Variants in SLC7A8 observed in about 807,000 individuals in gnomAD.
SLC7A8 encodes the protein large neutral amino acids transporter small subunit 2.
SLC7A8 carries 30 observed loss-of-function variants against 51.2 expected under a neutral mutation model. The observed-to-expected ratio is 0.59, with a 90% CI of 0.44 to 0.80. The LOEUF (loss-of-function observed/expected upper bound fraction) is 0.80, where lower values mean the gene tolerates loss of function less well. Ranked by LOEUF, SLC7A8 falls within the 30% of genes least tolerant of loss-of-function variation. The probability of loss-of-function intolerance (pLI) is 0.00; values close to 1 mark genes in which losing one functional copy is unlikely to be tolerated. For missense variants in SLC7A8, 612 were observed against 674.4 expected, an observed-to-expected ratio of 0.91 and a Z score of 1.03; for synonymous variants, 257 against 275.8, an observed-to-expected ratio of 0.93 and a Z score of 0.67.
intron 3 of SLC7A8, chr14:23,155,169 G>A (rs2048882737): frequency 1.3e-6 from 2 of 1,535,848 alleles, no homozygotes; most frequent in Non-Finnish European, 1.7e-6. Context: ...CACTTACAAC[G>A]TTTTAGAAAT....
intron 3 of SLC7A8, chr14:23,154,498 G>A (rs1422572967): frequency 1.3e-5 from 13 of 981,874 alleles, no homozygotes; most frequent in East Asian, 1.1e-4. Flanking sequence ...CGCCTCCCCC[G>A]CTTGTGGAAG....
intron 8 of SLC7A8, 102 bp from the exon 9 acceptor site, chr14:23,129,901 G>A (rs1443498922): frequency 5.4e-6 from 7 of 1,299,794 alleles, no homozygotes; most frequent in South Asian, 2.8e-5. Context: ...TGATGCCATC[G>A]TATAATGGAT....
intron 5 of SLC7A8, 57 bp from the exon 6 acceptor site, chr14:23,139,604 A>G: frequency 6.3e-7 from 1 of 1,576,672 alleles, no homozygotes; most frequent in Non-Finnish European, 8.6e-7. Context: ...CCGCCTTGCC[A>G]TGGAGTCCAG....
In SLC7A8 at chr14:23,159,585, C is replaced by T. The variant is rs192384343; in HGVS notation, c.508+5700G>A. Reference sequence around the variant, plus strand: ...AGTTTGGGGGTAGAGAATGTGAAGGCTCAAGGGAAAATAAACTGAGGTTAA... The same window carrying T: ...AGTTTGGGGGTAGAGAATGTGAAGGTTCAAGGGAAAATAAACTGAGGTTAA... On this transcript the variant is annotated intron_variant, in intron 3 of 10. Transcript: ENST00000316902. Among the ~76,000 whole-genome samples the T allele has an allele frequency of 2.8e-4, 43 of 152,266 alleles. No individual in the cohort carries two copies. In the East Asian group the frequency reaches 8.1e-3, roughly 29 times the overall value.
intron 3 of SLC7A8, among the ~76,000 whole-genome samples, chr14:23,164,885 G>A (rs532048456): frequency 3.9e-5 from 6 of 152,204 alleles, no homozygotes; most frequent in African/African-American, 1.4e-4. Context: ...CCAGCAACTC[G>A]GGAGTCTGAG....
In SLC7A8 at chr14:23,165,273, G is replaced by A. The variant is rs2048943442; in HGVS notation, c.508+12C>T. ...GAGGCTGTCTTGCTACCAAGACCCA[G>A]ATGACACTTACATAAGCAGATGGCA... On this transcript the variant is annotated intron_variant, in intron 3 of 10. Transcript: ENST00000316902. This position sits in a 1 kb window ranked among gnomAD's most constrained non-coding sequence, Gnocchi z 4.2. 1 of 1,606,358 alleles carries A rather than the reference G, an allele frequency of 6.2e-7. No individual in the cohort carries two copies. Among genetic ancestry groups the A allele is most frequent in the Non-Finnish European group, 8.5e-7 (1 of 1,177,128 alleles).
intron 3 of SLC7A8, among the ~76,000 whole-genome samples, chr14:23,148,642 G>C (rs1176630646): frequency 6.6e-6 from 1 of 152,200 alleles, no homozygotes; most frequent in Admixed American, 6.5e-5. Flanking sequence ...AAAGACATGT[G>C]ATCATGGAAA....
intron 9 of SLC7A8, chr14:23,129,344 G>C: frequency 3.5e-6 from 1 of 281,784 alleles, no homozygotes. Context: ...GTGTTGGGGA[G>C]ATAAGAGAAC....
intron 3 of SLC7A8, among the ~76,000 whole-genome samples, chr14:23,164,416 C>G (rs971327982): frequency 6.6e-6 from 1 of 152,216 alleles, no homozygotes; most frequent in African/African-American, 2.4e-5. Flanking sequence ...CGTGGCCTGC[C>G]TCCCTGGGCA....
intron 1 of SLC7A8, among the ~76,000 whole-genome samples, chr14:23,168,906 C>T (rs1313472797): frequency 6.6e-6 from 1 of 152,226 alleles, no homozygotes; most frequent in African/African-American, 2.4e-5. Context: ...CTTGCCTTTG[C>T]TTCTTGGAGG....
At position 23,131,562 on chromosome 14, in the gene SLC7A8, C is replaced by T. The variant is rs1008505400; in HGVS notation, c.1017-5G>A. On this transcript the variant is annotated splice_polypyrimidine_tract_variant and splice_region_variant and intron_variant, in intron 7 of 10. Transcript: ENST00000316902. ...CGGGCTCCAGCGAAGAACAGCCTGT[C>T]AGGGAGAAAAGCAGGTCAGCCTGGG... is the stretch of plus-strand genomic sequence containing the variant. 2.6e-5 allele frequency: 42 copies of T among 1,595,628 alleles called. No homozygotes were observed. The highest frequency in any genetic ancestry group is 3.2e-5 in the Non-Finnish European group (38 of 1,171,624).
At position 23,126,837 on chromosome 14, in the gene SLC7A8, A is replaced by C; in HGVS notation, c.*340T>G. 6.0e-6 allele frequency: 2 copies of C among 330,678 alleles called. No individual in the cohort carries two copies. The highest frequency in any genetic ancestry group is 1.2e-5 in the Non-Finnish European group (2 of 173,850). The allele number at this position is 330,678 out of a possible 1,614,324, so 20.5% of individuals were successfully genotyped here. A position where few individuals can be genotyped will look rare whatever the true frequency, so the allele number is the denominator to read the frequency against. Reference sequence around the variant, plus strand: ...TCTGAAGGGGCCTCCCTGGGAGGGAAGGCAGTAATGAGCTCCGGTTCCTGA... The same window carrying C: ...TCTGAAGGGGCCTCCCTGGGAGGGACGGCAGTAATGAGCTCCGGTTCCTGA... On this transcript the variant is annotated 3_prime_UTR_variant, in exon 11 of 11. Transcript: ENST00000316902.
chr14:23,161,716 T>A (rs1045263737), intron 3 of SLC7A8, among the ~76,000 whole-genome samples: 1 of 151,966 alleles, frequency 6.6e-6, no homozygotes, highest in Admixed American at 6.6e-5. Flanking sequence ...TCACTTGAGG[T>A]CAGGAGTTTG....
At chr14:23,169,692 C>G (rs1200557550) in intron 1 of SLC7A8, among the ~76,000 whole-genome samples, 1 of 152,170 alleles carries the variant, frequency 6.6e-6, no homozygotes, top group Non-Finnish European at 1.5e-5. Flanking sequence ...CAGGTGTGAG[C>G]CACTGCGCCT....
At chr14:23,142,193 A>T (rs2048751713) in intron 4 of SLC7A8, among the ~76,000 whole-genome samples, 1 of 152,172 alleles carries the variant, frequency 6.6e-6, no homozygotes, top group South Asian at 2.1e-4. Context: ...CTTGTGGGAA[A>T]TTTCCCTGTT....
chr14:23,140,813 G>A (rs571604152), intron 4 of SLC7A8, among the ~76,000 whole-genome samples, 189 bp from the exon 5 acceptor site: 30 of 152,300 alleles, frequency 2.0e-4, no homozygotes, highest in East Asian at 9.6e-4. Context: ...CAGGGCTTCC[G>A]AGACCCCGGA....
At chr14:23,131,409 A>T in intron 8 of SLC7A8, 52 bp downstream of exon 8, 3 of 1,428,424 alleles carry the variant, frequency 2.1e-6, no homozygotes, top group Non-Finnish European at 2.8e-6. Flanking sequence ...AGCTTAGACT[A>T]GGCACAAAGA....
chr14:23,180,804 T>C (rs1435596172), intron 1 of SLC7A8, among the ~76,000 whole-genome samples: 1 of 152,162 alleles, frequency 6.6e-6, no homozygotes, highest in Non-Finnish European at 1.5e-5. Context: ...TACCCTTGAA[T>C]ACCTGAACCT....
At chr14:23,164,876 C>G (rs1260146461) in intron 3 of SLC7A8, among the ~76,000 whole-genome samples, 3 of 152,042 alleles carry the variant, frequency 2.0e-5, no homozygotes, top group African/African-American at 7.2e-5. Context: ...CCTGCAATCC[C>G]AGCAACTCGG....
Sources: allele counts gnomAD v4.1 joint callset (sites outside exome capture counted in the v4.1 genomes callset), GRCh38; gene constraint gnomAD v4.1.1; non-coding constraint Gnocchi (gnomAD v3.1); transcripts MANE v1.5; gene names NCBI Gene and HGNC (gene_info 2026-07-23, HGNC 2026-07-21).